MAN1C1: variants seen among roughly 807,000 people sequenced by gnomAD.
MAN1C1 encodes the protein mannosidase alpha class 1C member 1, also known as mannosyl-oligosaccharide 1,2-alpha-mannosidase IC.
In MAN1C1, 49 loss-of-function variants were observed where a neutral mutation model predicts 71.5. The ratio of observed to expected loss-of-function variants is 0.69; its 90% confidence interval spans 0.54 to 0.87. MAN1C1 has a LOEUF of 0.87. Among genes scored for constraint, MAN1C1 ranks in the 40% least tolerant of loss-of-function variants. The pLI is 0.00. For missense variants in MAN1C1, 743 were observed against 835.0 expected (o/e 0.89, Z 1.36); for synonymous variants, 352 against 343.7 (o/e 1.02, Z -0.27).
intron 1 of MAN1C1, among the ~76,000 whole-genome samples, chr1:25,638,888 G>A (rs1002249848): frequency 2.0e-5 from 3 of 152,028 alleles, no homozygotes; most frequent in African/African-American, 7.2e-5. Flanking sequence ...AGCTTATTTT[G>A]TCTGTGGATT....
rs1431526868 is a variant in MAN1C1 at position 25,779,989 on chromosome 1, A to G, written c.1478-951A>G. 1.2e-4 allele frequency among the ~76,000 whole-genome samples: 18 copies of G among 152,144 alleles called. No homozygotes were observed. The highest frequency in any genetic ancestry group is 2.9e-5 in the Non-Finnish European group (2 of 68,002). ...CCCTCATACCCTACATGTTGGGCCT[A>G]TGAGGGTTAGACCCAGGAGGGAAAG... On this transcript the variant is annotated intron_variant, in intron 9 of 11. Coordinates refer to ENST00000374332, the MANE Select transcript of MAN1C1 (RefSeq NM_020379.4). This position sits in a 1 kb window ranked among gnomAD's most constrained non-coding sequence, Gnocchi z 4.6.
chr1:25,676,606 G>A (rs2046072025), intron 1 of MAN1C1, among the ~76,000 whole-genome samples: 1 of 152,200 alleles, frequency 6.6e-6, no homozygotes, highest in South Asian at 2.1e-4. Context: ...TTAGATCCCA[G>A]GATCGTTAGA....
chr1:25,629,941 G>A (rs538418626), intron 1 of MAN1C1, among the ~76,000 whole-genome samples: 1 of 152,008 alleles, frequency 6.6e-6, no homozygotes, highest in East Asian at 1.9e-4. Context: ...TTCGCTTTTG[G>A]GGTCTTAGTC....
chr1:25,755,899 C>T (rs192483213), intron 5 of MAN1C1, among the ~76,000 whole-genome samples: 1 of 152,334 alleles, frequency 6.6e-6, no homozygotes, highest in East Asian at 1.9e-4. Flanking sequence ...GGCCCATTGG[C>T]TCACAGGGCT....
chr1:25,619,761 G>GAACTACGCTGTTGAATAC (rs2045177834), intron 1 of MAN1C1, among the ~76,000 whole-genome samples: 1 of 152,150 alleles, frequency 6.6e-6, no homozygotes, highest in Non-Finnish European at 1.5e-5. Context: ...TCTTGTTAAG[G>GAACTACGCTGTTGAATAC]AACTACGCTG....
intron 3 of MAN1C1, among the ~76,000 whole-genome samples, chr1:25,748,762 T>C (rs2047172249): frequency 6.6e-6 from 1 of 152,234 alleles, no homozygotes; most frequent in Non-Finnish European, 1.5e-5. Flanking sequence ...ACTGAATACG[T>C]AGCTGCCTGG....
rs17163183 is a variant in MAN1C1, at chr1:25,730,973, A to G, written c.638-15695A>G. 0.028 allele frequency among the ~76,000 whole-genome samples: 4,272 copies of G among 152,284 alleles called. 206 individuals carry two copies. Among genetic ancestry groups the G allele is most frequent in the African/African-American group, 0.095 (3,949 of 41,544 alleles). On this transcript the variant is annotated intron_variant, in intron 2 of 11. Coordinates refer to ENST00000374332, the MANE Select transcript of MAN1C1 (RefSeq NM_020379.4). The surrounding 1 kb of genome is among the most constrained non-coding windows in gnomAD (Gnocchi z 4.3). ...CTGGTAAGCCACAGAGCCAAGGCAC[A>G]TGGTTTGACCACAAGCCTGTGCTTC...
chr1:25,757,401 C>G (rs1309504592), intron 5 of MAN1C1, among the ~76,000 whole-genome samples: 1 of 152,224 alleles, frequency 6.6e-6, no homozygotes, highest in Non-Finnish European at 1.5e-5. Context: ...CTCTGCCCCA[C>G]CTCTGTCCAC....
intron 7 of MAN1C1, among the ~76,000 whole-genome samples, chr1:25,770,778 G>A (rs907083109): frequency 7.4e-6 from 1 of 136,002 alleles, no homozygotes. Context: ...AAAACACTCT[G>A]CCCATTCCCC....
At chr1:25,679,985 A>T (rs1245341759) in intron 1 of MAN1C1, among the ~76,000 whole-genome samples, 4 of 147,070 alleles carry the variant, frequency 2.7e-5, no homozygotes, top group Non-Finnish European at 4.5e-5. Context: ...ATATACACAC[A>T]CACACACACA....
At chr1:25,651,614 G>T (rs2045693832) in intron 1 of MAN1C1, among the ~76,000 whole-genome samples, 1 of 152,220 alleles carries the variant, frequency 6.6e-6, no homozygotes, top group South Asian at 2.1e-4. Context: ...TGCAGGGAGA[G>T]ACCAGTGCTG....
rs546199071 is a variant in MAN1C1, at chr1:25,667,126, G to C, written c.541-19314G>C. ...AGGATGTGAGGATGGGAGGGAGGTA[G>C]GAGGAGAGAGCTCAAAATCCCACCA... On this transcript the variant is annotated intron_variant, in intron 1 of 11. Coordinates refer to ENST00000374332, the MANE Select transcript of MAN1C1 (RefSeq NM_020379.4). Among the ~76,000 whole-genome samples, 3 of 152,284 alleles carry C rather than the reference G, an allele frequency of 2.0e-5. No individual in the cohort carries two copies. In the East Asian group the frequency reaches 5.8e-4, roughly 29 times the overall value.
intron 2 of MAN1C1, among the ~76,000 whole-genome samples, chr1:25,694,636 G>C (rs1174665543): frequency 1.3e-5 from 2 of 152,220 alleles, no homozygotes; most frequent in African/African-American, 4.8e-5. Context: ...TGACTTAGTA[G>C]TGCCTTCTGC....
chr1:25,680,154 C>T (rs2124160320), intron 1 of MAN1C1, among the ~76,000 whole-genome samples: 1 of 152,070 alleles, frequency 6.6e-6, no homozygotes, highest in East Asian at 1.9e-4. Context: ...CCTCTGCCTC[C>T]CGGGTTCAAG....
At chr1:25,708,672 G>A (rs1038266814) in intron 2 of MAN1C1, among the ~76,000 whole-genome samples, 4 of 152,134 alleles carry the variant, frequency 2.6e-5, no homozygotes, top group Admixed American at 2.6e-4. Flanking sequence ...ATCACCTGAG[G>A]TCAGGAGTTT....
chr1:25,727,524 A>G (rs1359488886), intron 2 of MAN1C1, among the ~76,000 whole-genome samples: 2 of 152,218 alleles, frequency 1.3e-5, no homozygotes, highest in African/African-American at 4.8e-5. Flanking sequence ...TCCAGGCTCC[A>G]GAGGCTGGGG....
At chr1:25,627,251 TTTCTC>T (rs140616480) in intron 1 of MAN1C1, among the ~76,000 whole-genome samples, 9,561 of 151,532 alleles carry the variant, frequency 0.063, 1,002 homozygotes, top group African/African-American at 0.21. Context: ...ATTCCATTCT[TTTCTC>T]TTCTCTTCTC....
intron 8 of MAN1C1, 56 bp downstream of exon 8, chr1:25,771,828 C>G: frequency 1.4e-6 from 2 of 1,441,558 alleles, no homozygotes; most frequent in Admixed American, 3.4e-5. Context: ...CCGGCTCTCT[C>G]ACGGCCGAGC....
At chr1:25,675,590 G>GT (rs1553185441) in intron 1 of MAN1C1, among the ~76,000 whole-genome samples, 45 of 132,798 alleles carry the variant, frequency 3.4e-4, no homozygotes, top group African/African-American at 1.3e-3. Context: ...TTTGCGGGGG[G>GT]GGGGGGAGGT....
Sources: gnomAD v4.1 joint callset for allele counts (sites outside exome capture counted in the v4.1 genomes callset) on GRCh38, gnomAD v4.1.1 for gene constraint, Gnocchi (gnomAD v3.1) non-coding constraint, MANE v1.5 for transcripts, NCBI Gene and HGNC (gene_info 2026-07-23, HGNC 2026-07-21) for gene names.